Variants in HDAC10 observed in about 807,000 individuals in gnomAD.
HDAC10 encodes the protein histone deacetylase 10.
HDAC10 carries 90 observed loss-of-function variants against 82.3 expected under a neutral mutation model. The observed-to-expected ratio is 1.09, with a 90% CI of 0.92 to 1.30. The LOEUF is 1.30. HDAC10 is among the 50% of genes most tolerant of loss of function. The pLI, the probability that HDAC10 is intolerant of heterozygous loss-of-function variation, is 0.00. For synonymous variants in HDAC10, 456 were observed against 391.7 expected (o/e 1.16, Z -1.94); for missense variants, 934 against 876.3 (o/e 1.07, Z -0.83).
chr22:50,249,765 G>A lies in HDAC10; in HGVS notation c.495-62C>T. 2 of 1,607,992 alleles carry A rather than the reference G, an allele frequency of 1.2e-6. No individual in the cohort carries two copies. The highest frequency in any genetic ancestry group is 1.3e-5 in the African/African-American group (1 of 74,926). On this transcript the variant is annotated intron_variant, in intron 5 of 19. Coordinates refer to ENST00000216271, the MANE Select transcript of HDAC10 (RefSeq NM_032019.6). This position sits in a 1 kb window ranked among gnomAD's most constrained non-coding sequence, Gnocchi z 4.4. ...CCTCCCACCTCCAGGAGCCCGGCCA[G>A]GGATGGGAAGGTGCTGGCTGGGTTC...
In HDAC10 at chr22:50,249,938, G is replaced by A. The variant is rs115099639; in HGVS notation, c.416C>T (p.Ala139Val). ...GAACACACAGAACCCGTTGGCAGCC[G>A]CCCTCTGGCCATGGTGCCCGGGAGG... is the stretch of plus-strand genomic sequence containing the variant. ...VRPPGHHGQR[A>V]AANGFCVFNN... is the part of the protein sequence containing the mutation. Residue 139 changes from alanine to valine, a missense_variant, in exon 5 of 20, where the codon GCG (alanine) becomes GTG (valine). Ala to Val is a moderately conservative substitution (Grantham distance 64). Transcript: ENST00000216271. This position sits in a 1 kb window ranked among gnomAD's most constrained non-coding sequence, Gnocchi z 4.4. 24 of 1,612,442 alleles carry A rather than the reference G, an allele frequency of 1.5e-5. No individual in the cohort carries two copies. Among genetic ancestry groups the A allele is most frequent in the South Asian group, 1.4e-4 (13 of 91,080 alleles).
In HDAC10 at chr22:50,248,540, C is replaced by A. The variant is rs904163308; in HGVS notation, c.907-68G>T. 2.0e-6 allele frequency: 3 copies of A among 1,519,950 alleles called. No homozygotes were observed. The highest frequency in any genetic ancestry group is 2.7e-6 in the Non-Finnish European group (3 of 1,125,948). 94.2% of individuals were successfully genotyped at this position (1,519,950 alleles called of 1,614,324 possible). A position where few individuals can be genotyped will look rare whatever the true frequency, so the allele number is the denominator to read the frequency against. The stretch of plus-strand genomic sequence containing the variant: ...GGGATGGGATGTCACCGGGAGAGCC[C>A]CTGCCTGGCTCTATCCCGGGCAGGA... On this transcript the variant is annotated intron_variant, in intron 10 of 19. Coordinates refer to ENST00000216271, the MANE Select transcript of HDAC10 (RefSeq NM_032019.6). This position sits in a 1 kb window ranked among gnomAD's most constrained non-coding sequence, Gnocchi z 5.4.
At chr22:50,250,733 G>T in intron 2 of HDAC10, 38 bp downstream of exon 2, 1 of 1,523,122 alleles carries the variant, frequency 6.6e-7, no homozygotes, top group Non-Finnish European at 8.8e-7. Context: ...TGGGCTGCCC[G>T]CCCCGCCCCC....
intron 16 of HDAC10, 24 bp downstream of exon 16, chr22:50,246,655 A>T: frequency 6.2e-7 from 1 of 1,607,726 alleles, no homozygotes; most frequent in Non-Finnish European, 8.5e-7. Context: ...ATGGCTGGAC[A>T]TATGCAAGAC....
rs1243142511 is a variant in HDAC10, at chr22:50,245,796, G to A, written c.1865C>T (p.Ala622Val). ...AGGTGCCTCTCCATTCAGCACCCGG[G>A]CCAGGATCCCTGCTAGCTGGGGTGT... ...NSTPQLAGIL[A>V]RVLNGEAPPS... The change falls in exon 19 of 20, where the codon GCC (alanine) becomes GTC (valine). Residue 622 changes from alanine to valine, a missense_variant. Ala to Val is a moderately conservative substitution (Grantham distance 64, BLOSUM62 0). Transcript: ENST00000216271. 1.9e-6 allele frequency: 3 copies of A among 1,589,398 alleles called. No homozygotes were observed. The highest frequency in any genetic ancestry group is 2.6e-6 in the Non-Finnish European group (3 of 1,168,198).
Position 50,249,771 on chromosome 22 carries a change from G to C in HDAC10, c.495-68C>G, listed in dbSNP as rs965883125. On this transcript the variant is annotated intron_variant, in intron 5 of 19. Coordinates refer to ENST00000216271, the MANE Select transcript of HDAC10 (RefSeq NM_032019.6). The surrounding 1 kb of genome is among the most constrained non-coding windows in gnomAD (Gnocchi z 4.4). The stretch of plus-strand genomic sequence containing the variant: ...ACCTCCAGGAGCCCGGCCAGGGATG[G>C]GAAGGTGCTGGCTGGGTTCTCTCGC... 1.6e-5 allele frequency: 26 copies of C among 1,606,592 alleles called. No homozygotes were observed. Among genetic ancestry groups the C allele is most frequent in the Non-Finnish European group, 2.1e-5 (25 of 1,175,784 alleles).
rs1436536923 is a variant in HDAC10, at chr22:50,251,119, C to A, written c.-87G>T. On this transcript the variant is annotated 5_prime_UTR_variant, in exon 1 of 20. Coordinates refer to ENST00000216271, the MANE Select transcript of HDAC10 (RefSeq NM_032019.6). ...GTCCCCACCTTCGGCCGGGAGCAGCCGGAGGCCTGGGACCTGCCTGGGGCG... is the reference window on the plus strand; with the variant it reads ...GTCCCCACCTTCGGCCGGGAGCAGCAGGAGGCCTGGGACCTGCCTGGGGCG... The A allele has an allele frequency of 5.4e-5, 77 of 1,429,546 alleles. 1 individual carries two copies. Among genetic ancestry groups the A allele is most frequent in the Non-Finnish European group, 6.9e-5 (72 of 1,044,768 alleles). The allele number at this position is 1,429,546 out of a possible 1,614,324, so 88.6% of individuals were successfully genotyped here. A position where few individuals can be genotyped will look rare whatever the true frequency, so the allele number is the denominator to read the frequency against.
intron 3 of HDAC10, 46 bp downstream of exon 3, chr22:50,250,381 A>C: frequency 6.4e-7 from 1 of 1,562,380 alleles, no homozygotes; most frequent in Non-Finnish European, 8.8e-7. Context: ...GCTCAAAGGC[A>C]CGTGCATGTG....
Position 50,245,771 on chromosome 22 carries a change from AGGT to A in HDAC10, c.1887_1889del (p.Pro631del), listed in dbSNP as rs1228598374. On this transcript the variant is annotated inframe_deletion, in exon 19 of 20. Coordinates refer to ENST00000216271, the MANE Select transcript of HDAC10 (RefSeq NM_032019.6). ...CCACAGAGGAAGGGCCTAGGCTAGGAGGTGCCTCTCCATTCAGCACCCGGGCCA... is the reference window on the plus strand; with the variant it reads ...CCACAGAGGAAGGGCCTAGGCTAGGAGCCTCTCCATTCAGCACCCGGGCCA... The A allele has an allele frequency of 1.1e-5, 17 of 1,606,180 alleles. No individual in the cohort carries two copies. The highest frequency in any genetic ancestry group is 1.4e-5 in the Non-Finnish European group (17 of 1,176,886).
intron 19 of HDAC10, 67 bp downstream of exon 19, chr22:50,245,608 C>T (rs1178035911): frequency 1.2e-5 from 20 of 1,601,904 alleles, no homozygotes; most frequent in Non-Finnish European, 1.6e-5. Flanking sequence ...CTGCCCTGCC[C>T]TCCCCACCGA....
Position 50,250,519 on chromosome 22 carries a change from C to T in HDAC10, c.199G>A (p.Glu67Lys), listed in dbSNP as rs142006720. The change falls in exon 3 of 20, where the codon GAG (glutamate) becomes AAG (lysine). Residue 67 changes from glutamate (E) to lysine (K), a missense_variant. By Grantham distance (56) the Glu-to-Lys change is moderately conservative. Coordinates refer to ENST00000216271, the MANE Select transcript of HDAC10 (RefSeq NM_032019.6). Reference protein sequence around the residue: ...EEELGLVHSPEYVSLVRETQV... With the variant: ...EEELGLVHSPKYVSLVRETQV... ...GTCTCCCTGACCAGGGATACATACT[C>T]TGGGCTGCATGCAGATGGGCAGGCA... is the stretch of plus-strand genomic sequence containing the variant. 2.4e-5 allele frequency: 38 copies of T among 1,612,084 alleles called. No individual in the cohort carries two copies. In the Admixed American group the frequency reaches 4.2e-4, roughly 18 times the overall value.
chr22:50,246,704 G>A lies in HDAC10; in HGVS notation c.1546C>T (p.Arg516Trp), dbSNP rs544861577. The A allele has an allele frequency of 2.0e-5, 33 of 1,611,884 alleles. No homozygotes were observed. Among genetic ancestry groups the A allele is most frequent in the Admixed American group, 2.0e-4 (12 of 60,014 alleles). ...CCGTCATGGGCGAGGTCTGGAGGCC[G>A]GTCCAGCTGTCCCAGGGCCACGCAC... is the stretch of plus-strand genomic sequence containing the variant. ...LLCVALGQLDRPPDLAHDGRS... is the reference protein window; with the variant it reads ...LLCVALGQLDWPPDLAHDGRS... The change falls in exon 16 of 20, where the codon CGG becomes TGG. Residue 516 changes from arginine (R) to tryptophan (W), a missense_variant. Physicochemically the swap from Arg to Trp is moderately radical, Grantham distance 101. Coordinates refer to ENST00000216271, the MANE Select transcript of HDAC10 (RefSeq NM_032019.6).
chr22:50,249,097 A>G lies in HDAC10; in HGVS notation c.756+6T>C. ...GCTGCCCTGGGGGAGCCCTCCGTGC[A>G]GTCACCTCAAAGGCCAGTGGGAGCA... On this transcript the variant is annotated splice_donor_region_variant and intron_variant, in intron 8 of 19. Coordinates refer to ENST00000216271, the MANE Select transcript of HDAC10 (RefSeq NM_032019.6). The surrounding 1 kb of genome is among the most constrained non-coding windows in gnomAD (Gnocchi z 4.4). The G allele has an allele frequency of 6.3e-7, 1 of 1,595,120 alleles. No homozygotes were observed. Among genetic ancestry groups the G allele is most frequent in the South Asian group, 1.1e-5 (1 of 87,902 alleles).
Position 50,248,581 on chromosome 22 carries a change from C to A in HDAC10, c.906+81G>T. ...CCGGGCAGGACGCCCCTCCCAAATA[C>A]CCCGTGGGCACCTGGCTCCCATGCT... On this transcript the variant is annotated intron_variant, in intron 10 of 19. Coordinates refer to ENST00000216271, the MANE Select transcript of HDAC10 (RefSeq NM_032019.6). This position sits in a 1 kb window ranked among gnomAD's most constrained non-coding sequence, Gnocchi z 5.4. The A allele has an allele frequency of 2.0e-6, 3 of 1,472,266 alleles. No individual in the cohort carries two copies. In the South Asian group the frequency reaches 3.9e-5, roughly 19 times the overall value. 91.2% of individuals were successfully genotyped at this position (1,472,266 alleles called of 1,614,324 possible). A position where few individuals can be genotyped will look rare whatever the true frequency, so the allele number is the denominator to read the frequency against.
In HDAC10 at chr22:50,250,855, C is replaced by T. The variant is rs758693077; in HGVS notation, c.110G>A (p.Arg37His). Residue 37 changes from arginine (R) to histidine (H), a missense_variant, in exon 2 of 20, where the codon CGC (arginine) becomes CAC (histidine). Arg to His is a conservative substitution (Grantham distance 29). Coordinates refer to ENST00000216271, the MANE Select transcript of HDAC10 (RefSeq NM_032019.6). ...CTGTTCCAGGCCGCGCTGCCGCAGG[C>T]GATCCAGGGCTGCGGTCAGGCGCTC... The part of the protein sequence containing the change: ...RPERLTAALD[R>H]LRQRGLEQRC... 8.7e-6 allele frequency: 14 copies of T among 1,601,546 alleles called. No homozygotes were observed. The highest frequency in any genetic ancestry group is 1.2e-5 in the Non-Finnish European group (14 of 1,175,124).
chr22:50,249,320 G>A lies in HDAC10; in HGVS notation c.690+8C>T, dbSNP rs369152464. On this transcript the variant is annotated splice_region_variant and intron_variant, in intron 7 of 19. Transcript: ENST00000216271. This position sits in a 1 kb window ranked among gnomAD's most constrained non-coding sequence, Gnocchi z 4.4. ...CTGGGTGGGGACCTGGGGCTTGAGGGTGGGCACCTGGTTCCAGGGCAGGTT... is the reference window on the plus strand; with the variant it reads ...CTGGGTGGGGACCTGGGGCTTGAGGATGGGCACCTGGTTCCAGGGCAGGTT... The A allele has an allele frequency of 6.3e-7, 1 of 1,598,280 alleles. No individual in the cohort carries two copies. Among genetic ancestry groups the A allele is most frequent in the Non-Finnish European group, 8.5e-7 (1 of 1,172,874 alleles).
chr22:50,245,459 G>A lies in HDAC10; in HGVS notation c.*48C>T, dbSNP rs1388627782. 21 of 759,578 alleles carry A rather than the reference G, an allele frequency of 2.8e-5. No homozygotes were observed. The allele number at this position is 759,578 out of a possible 1,614,324, so 47.1% of individuals were successfully genotyped here. On this transcript the variant is annotated 3_prime_UTR_variant, in exon 20 of 20. Coordinates refer to ENST00000216271, the MANE Select transcript of HDAC10 (RefSeq NM_032019.6). The stretch of plus-strand genomic sequence containing the variant: ...TCCGGATCGCGGCCGCGGGGCGCTG[G>A]CGTGCGGTGTCATTTCTGCGGTGTA...
In HDAC10 at chr22:50,251,181, AC is replaced by A. The variant is rs2065083361; in HGVS notation, c.-150del. The stretch of plus-strand genomic sequence containing the variant: ...CGGGCACCGGCCTGGGCGGGAGCGC[AC>A]AGAACCTAGGCAGGCTCCGGGATCC... On this transcript the variant is annotated 5_prime_UTR_variant, in exon 1 of 20. Transcript: ENST00000216271. The A allele has an allele frequency of 2.7e-6, 2 of 752,726 alleles. No individual in the cohort carries two copies. Among genetic ancestry groups the A allele is most frequent in the Non-Finnish European group, 4.3e-6 (2 of 469,996 alleles). 46.6% of individuals were successfully genotyped at this position (752,726 alleles called of 1,614,324 possible). A position where few individuals can be genotyped will look rare whatever the true frequency, so the allele number is the denominator to read the frequency against.
At position 50,248,677 on chromosome 22, in the gene HDAC10, G is replaced by T; in HGVS notation, c.891C>A (p.Val297=). Residue 297 remains valine (V), a synonymous_variant, in exon 10 of 20, where the codon GTC becomes GTA. Coordinates refer to ENST00000216271, the MANE Select transcript of HDAC10 (RefSeq NM_032019.6). The surrounding 1 kb of genome is among the most constrained non-coding windows in gnomAD (Gnocchi z 5.4). The stretch of plus-strand genomic sequence containing the variant: ...CCCCAGTCACCTCCAGCACGGCACA[G>T]ACCCGGCCGCCGGCCAGCACCTGCA... ...QLLQVLAGGR[V]CAVLEGGYHL... The T allele has an allele frequency of 6.6e-7, 1 of 1,521,888 alleles. No homozygotes were observed. The highest frequency in any genetic ancestry group is 1.3e-5 in the South Asian group (1 of 77,718). The allele number at this position is 1,521,888 out of a possible 1,614,324, so 94.3% of individuals were successfully genotyped here.
Sources: allele counts gnomAD v4.1 joint callset, GRCh38; gene constraint gnomAD v4.1.1; non-coding constraint Gnocchi (gnomAD v3.1); transcripts MANE v1.5; gene names NCBI Gene and HGNC (gene_info 2026-07-23, HGNC 2026-07-21).